The following CLEC16A variants were observed in gnomAD, a reference collection of about 807,000 sequenced individuals.
CLEC16A encodes protein CLEC16A.
In CLEC16A, 51 loss-of-function variants were observed where a neutral mutation model predicts 109.5. The observed-to-expected ratio is 0.47, with a 90% CI of 0.37 to 0.59. CLEC16A has a LOEUF of 0.59. Among genes scored for constraint, CLEC16A ranks in the 20% least tolerant of loss-of-function variants. CLEC16A has a pLI of 0.00. For missense variants in CLEC16A, 1,339 were observed against 1,394.0 expected (o/e 0.96, Z 0.63); for synonymous variants, 673 against 564.2 (o/e 1.19, Z -2.73).
At chr16:11,092,361 AACACACAC>A (rs3030566) in intron 19 of CLEC16A, among the ~76,000 whole-genome samples, 4,934 of 132,504 alleles carry the variant, frequency 0.037, 293 homozygotes, top group African/African-American at 0.12. Flanking sequence ...AACAAAAACA[AACACACAC>A]ACACACACAC....
At chr16:11,097,593 G>A (rs1453733665) in intron 19 of CLEC16A, among the ~76,000 whole-genome samples, 2 of 152,208 alleles carry the variant, frequency 1.3e-5, no homozygotes, top group Admixed American at 1.3e-4. Flanking sequence ...AACTCCCGGG[G>A]ATGTTATGAG....
Position 11,178,408 on chromosome 16 carries a change from A to G in CLEC16A, c.2880A>G (p.Ala960=). Residue 960 remains alanine, a synonymous_variant, in exon 24 of 24, where the codon GCA becomes GCG. Coordinates refer to ENST00000409790, the MANE Select transcript of CLEC16A (RefSeq NM_015226.3). The surrounding 1 kb of genome is among the most constrained non-coding windows in gnomAD (Gnocchi z 6.5). ...TGGTAATCGTCAACGAAACGGAAGCAGACTCTAAGCCCAGCAAGAACGTGG... is the reference window on the plus strand; with the variant it reads ...TGGTAATCGTCAACGAAACGGAAGCGGACTCTAAGCCCAGCAAGAACGTGG... The part of the protein sequence containing the change: ...DQLVIVNETE[A]DSKPSKNVAR... The G allele has an allele frequency of 6.2e-7, 1 of 1,613,846 alleles. No individual in the cohort carries two copies. Among genetic ancestry groups the G allele is most frequent in the East Asian group, 2.2e-5 (1 of 44,890 alleles).
chr16:11,051,394 T>A, intron 17 of CLEC16A, 119 bp from the exon 18 acceptor site: 1 of 1,009,946 alleles, frequency 9.9e-7, no homozygotes, highest in East Asian at 2.4e-5. Context: ...AGGATTTAGA[T>A]CACTCATTTA....
chr16:11,015,619 G>A (rs1305935552), intron 11 of CLEC16A, among the ~76,000 whole-genome samples: 2 of 152,140 alleles, frequency 1.3e-5, no homozygotes, highest in East Asian at 1.9e-4. Flanking sequence ...AAATTGTCCT[G>A]CAAATTAGTA....
At chr16:11,031,318 A>G (rs1337713013) in intron 13 of CLEC16A, among the ~76,000 whole-genome samples, 1 of 152,114 alleles carries the variant, frequency 6.6e-6, no homozygotes, top group Non-Finnish European at 1.5e-5. Context: ...ACAGTGGGCA[A>G]GCTCCTCATC....
chr16:11,115,310 GT>G (rs1198236850), intron 19 of CLEC16A, among the ~76,000 whole-genome samples: 1 of 152,298 alleles, frequency 6.6e-6, no homozygotes, highest in East Asian at 1.9e-4. Context: ...CATGTTTATT[GT>G]TTTTGTTCTA....
intron 18 of CLEC16A, among the ~76,000 whole-genome samples, chr16:11,060,192 CT>C (rs2152902638): frequency 6.6e-6 from 1 of 152,330 alleles, no homozygotes; most frequent in East Asian, 1.9e-4. Flanking sequence ...ACCTGTGCCC[CT>C]GGTCTGCTGG....
chr16:11,087,106 A>G (rs1394094933), intron 19 of CLEC16A, among the ~76,000 whole-genome samples: 1 of 152,240 alleles, frequency 6.6e-6, no homozygotes, highest in African/African-American at 2.4e-5. Context: ...CCATAAACTA[A>G]ATATGTATTT....
chr16:11,165,423 T>C (rs2068216433), intron 22 of CLEC16A, among the ~76,000 whole-genome samples: 1 of 151,968 alleles, frequency 6.6e-6, no homozygotes, highest in South Asian at 2.1e-4. Context: ...GCCTGGGAGC[T>C]CAAGGCTGCA....
intron 22 of CLEC16A, among the ~76,000 whole-genome samples, chr16:11,155,260 A>G (rs1213866679): frequency 6.6e-6 from 1 of 152,126 alleles, no homozygotes; most frequent in Non-Finnish European, 1.5e-5. Context: ...ATCCTCACGA[A>G]CCCTGTAAGG....
chr16:11,165,753 C>T (rs74638380), intron 22 of CLEC16A, among the ~76,000 whole-genome samples: 1 of 152,088 alleles, frequency 6.6e-6, no homozygotes, highest in African/African-American at 2.4e-5. Context: ...GTCAGTTTAC[C>T]GCAGAAACGT....
intron 1 of CLEC16A, among the ~76,000 whole-genome samples, chr16:10,949,243 C>T (rs2041596705): frequency 1.3e-5 from 2 of 152,084 alleles, no homozygotes; most frequent in Non-Finnish European, 2.9e-5. Flanking sequence ...TACAATATTG[C>T]CATGTTGATT....
intron 11 of CLEC16A, among the ~76,000 whole-genome samples, chr16:11,008,606 C>A (rs75615335): frequency 6.6e-6 from 1 of 151,968 alleles, no homozygotes; most frequent in African/African-American, 2.4e-5. Flanking sequence ...CTTCCCTGCT[C>A]CCTTTTTTTT....
intron 19 of CLEC16A, among the ~76,000 whole-genome samples, chr16:11,084,142 C>G (rs1313181303): frequency 6.6e-6 from 1 of 152,056 alleles, no homozygotes; most frequent in Non-Finnish European, 1.5e-5. Flanking sequence ...CCCTTCAGCT[C>G]TGGGCCTTCA....
At chr16:10,992,277 G>A (rs952505267) in intron 10 of CLEC16A, among the ~76,000 whole-genome samples, 2 of 102,710 alleles carry the variant, frequency 1.9e-5, no homozygotes, top group Non-Finnish European at 4.2e-5. Context: ...TTCCCCATCC[G>A]CATCCCTGCA....
chr16:11,079,617 T>A (rs1215094794), intron 19 of CLEC16A, among the ~76,000 whole-genome samples: 2 of 152,222 alleles, frequency 1.3e-5, no homozygotes, highest in Non-Finnish European at 2.9e-5. Flanking sequence ...TTTTACTACC[T>A]ATACCCTGGC....
At chr16:11,133,416 T>C (rs1464506449) in intron 22 of CLEC16A, among the ~76,000 whole-genome samples, 1 of 152,022 alleles carries the variant, frequency 6.6e-6, no homozygotes, top group Non-Finnish European at 1.5e-5. Flanking sequence ...GTTATCTTTA[T>C]CAAAGGCACC....
intron 3 of CLEC16A, among the ~76,000 whole-genome samples, chr16:10,964,065 G>A (rs2042383037): frequency 6.6e-6 from 1 of 152,254 alleles, no homozygotes; most frequent in Non-Finnish European, 1.5e-5. Context: ...TATATCAGAG[G>A]CAGGCTCTAA....
At chr16:10,946,220 A>G (rs2041360418) in intron 1 of CLEC16A, among the ~76,000 whole-genome samples, 1 of 152,160 alleles carries the variant, frequency 6.6e-6, no homozygotes, top group Admixed American at 6.5e-5. Context: ...GGTTAGGGAT[A>G]TGGTGGGAAG....
Sources: allele counts gnomAD v4.1 joint callset (sites outside exome capture counted in the v4.1 genomes callset), GRCh38; gene constraint gnomAD v4.1.1; non-coding constraint Gnocchi (gnomAD v3.1); transcripts MANE v1.5; gene names NCBI Gene and HGNC (gene_info 2026-07-23, HGNC 2026-07-21).